The following APLP2 variants were observed in gnomAD, a reference collection of about 807,000 sequenced individuals.
APLP2 encodes the protein CDEI box-binding protein.
In APLP2, 53 loss-of-function variants were observed where a neutral mutation model predicts 89.9. The observed-to-expected ratio is 0.59, with a 90% confidence interval of 0.47 to 0.74. The LOEUF is 0.74. APLP2 is among the 30% of genes least tolerant of loss of function. The probability of loss-of-function intolerance (pLI) is 0.00; values close to 1 mark genes in which losing one functional copy is unlikely to be tolerated. For synonymous variants in APLP2, 372 were observed against 348.6 expected (o/e 1.07, Z -0.75); for missense variants, 973 against 975.9 (o/e 1.00, Z 0.04).
intron 1 of APLP2, among the ~76,000 whole-genome samples, chr11:130,104,257 G>T (rs902550817): frequency 9.2e-6 from 1 of 109,224 alleles, no homozygotes; most frequent in African/African-American, 3.7e-5. Flanking sequence ...TGTCTCTGTT[G>T]CCCAGTCTGG....
intron 1 of APLP2, among the ~76,000 whole-genome samples, chr11:130,087,683 A>C (rs1944334411): frequency 6.6e-6 from 1 of 152,202 alleles, no homozygotes; most frequent in Non-Finnish European, 1.5e-5. Context: ...TTCATAGCAG[A>C]ATGGCCCTGC....
chr11:130,079,747 T>TC, intron 1 of APLP2, among the ~76,000 whole-genome samples: 1 of 152,368 alleles, frequency 6.6e-6, no homozygotes, highest in Non-Finnish European at 1.5e-5. Context: ...TTTCTTGCTT[T>TC]GCTGCCCCAG....
At chr11:130,070,366 G>A (rs1383769448) in intron 1 of APLP2, among the ~76,000 whole-genome samples, 1 of 151,326 alleles carries the variant, frequency 6.6e-6, no homozygotes, top group Non-Finnish European at 1.5e-5. Context: ...CCCGCCCGCG[G>A]CGCCGCCACC....
rs1223276820 is a variant in APLP2, at chr11:130,070,005, G to A, written c.28G>A (p.Ala10Thr). 2.7e-6 allele frequency: 4 copies of A among 1,504,950 alleles called. No homozygotes were observed. In the South Asian group the frequency reaches 4.9e-5, roughly 18 times the overall value. 93.2% of individuals were successfully genotyped at this position (1,504,950 alleles called of 1,614,324 possible). ...GGCGGCCACCGGGACCGCGGCCGCC[G>A]CAGCCACGGGCAGGCTCCTGCTTCT... The part of the protein sequence containing the change: MAATGTAAA[A>T]ATGRLLLLLL... The change falls in exon 1 of 17, where the codon GCA becomes ACA. Residue 10 changes from alanine (A) to threonine (T), a missense_variant. By Grantham distance (58) the Ala-to-Thr change is moderately conservative (BLOSUM62 0). Coordinates refer to ENST00000338167, the MANE Select transcript of APLP2 (RefSeq NM_001142276.2).
chr11:130,102,137 G>A (rs932715458), intron 1 of APLP2: 6 of 303,440 alleles, frequency 2.0e-5, no homozygotes, highest in African/African-American at 1.3e-4. Flanking sequence ...TAAATCTTTG[G>A]TGAAGGTTCA....
intron 5 of APLP2, among the ~76,000 whole-genome samples, 166 bp from the exon 6 acceptor site, chr11:130,122,139 C>G (rs56282419): frequency 0.045 from 6,853 of 152,234 alleles, 510 homozygotes; most frequent in African/African-American, 0.15. Context: ...ACAAATACTT[C>G]CCGTTTGCTG....
At position 130,103,057 on chromosome 11, in the gene APLP2, G is replaced by A. The variant is rs564519700; in HGVS notation, c.106-6372G>A. Among the ~76,000 whole-genome samples the A allele has an allele frequency of 2.0e-5, 3 of 152,292 alleles. No homozygotes were observed. In the South Asian group the frequency reaches 6.2e-4, roughly 32 times the overall value. On this transcript the variant is annotated intron_variant, in intron 1 of 16. Transcript: ENST00000338167. ...ACAGGATATCAGAAGTGCTGACTTG[G>A]CAGCAAAATCCCATTTGTAACATGT...
intron 1 of APLP2, among the ~76,000 whole-genome samples, chr11:130,083,348 T>TTTTTGTGGTGTTC (rs2135436072): frequency 6.6e-6 from 1 of 151,106 alleles, no homozygotes; most frequent in Non-Finnish European, 1.5e-5. Context: ...AAACATTTTT[T>TTTTTGTGGTGTTC]TTTTGTGGTA....
Position 130,143,405 on chromosome 11 carries a change from A to G in APLP2, c.2213A>G (p.Tyr738Cys), listed in dbSNP as rs948881705. ...CTGAACAAGATGCAGAACCATGGCTATGAGAACCCCACCTACAAATACCTG... is the reference window on the plus strand; with the variant it reads ...CTGAACAAGATGCAGAACCATGGCTGTGAGAACCCCACCTACAAATACCTG... ...RHLNKMQNHGYENPTYKYLEQ... is the reference protein window; with the variant it reads ...RHLNKMQNHGCENPTYKYLEQ... Residue 738 changes from tyrosine to cysteine, a missense_variant, in exon 17 of 17, where the codon TAT (tyrosine) becomes TGT (cysteine). Tyr to Cys is a radical substitution (Grantham distance 194, BLOSUM62 -2). Transcript: ENST00000338167. The G allele has an allele frequency of 3.1e-6, 5 of 1,613,732 alleles. No homozygotes were observed. The highest frequency in any genetic ancestry group is 4.5e-5 in the East Asian group (2 of 44,830).
intron 1 of APLP2, among the ~76,000 whole-genome samples, chr11:130,089,824 G>A (rs1018785528): frequency 3.9e-5 from 6 of 152,220 alleles, no homozygotes. Flanking sequence ...CCCTCTGTGT[G>A]CATGCATGTC....
At chr11:130,077,342 G>T (rs1024218838) in intron 1 of APLP2, among the ~76,000 whole-genome samples, 7 of 152,022 alleles carry the variant, frequency 4.6e-5, no homozygotes, top group Admixed American at 2.0e-4. Context: ...GAGATATTTC[G>T]CCTAGATAAG....
chr11:130,139,782 GAGCATCT>G (rs1259838353), intron 13 of APLP2: 1 of 152,350 alleles, frequency 6.6e-6, no homozygotes, highest in Non-Finnish European at 1.5e-5. Context: ...CTTAGGATAT[GAGCATCT>G]AGGATCTCGG....
At chr11:130,070,464 C>A in intron 1 of APLP2, 1 of 973,016 alleles carries the variant, frequency 1.0e-6, no homozygotes, top group Non-Finnish European at 1.3e-6. Flanking sequence ...GAGTCCGCGG[C>A]TGGGCTTTCT....
chr11:130,142,009 A>G lies in APLP2; in HGVS notation c.2089A>G (p.Ile697Val), dbSNP rs1054901672. Residue 697 changes from isoleucine to valine, a missense_variant, in exon 16 of 17, where the codon ATC becomes GTC. Physicochemically the swap from Ile to Val is conservative, Grantham distance 29. Coordinates refer to ENST00000338167, the MANE Select transcript of APLP2 (RefSeq NM_001142276.2). ...LVIAVAIATV[I>V]VISLVMLRKR... Reference sequence around the variant, plus strand: ...CATCGCAGTGGCCATTGCCACGGTCATCGTCATCAGCCTGGTGATGCTGAG... The same window carrying G: ...CATCGCAGTGGCCATTGCCACGGTCGTCGTCATCAGCCTGGTGATGCTGAG... 3.7e-6 allele frequency: 6 copies of G among 1,614,038 alleles called. No homozygotes were observed. The highest frequency in any genetic ancestry group is 1.7e-4 in the Middle Eastern group (1 of 6,036).
intron 3 of APLP2, among the ~76,000 whole-genome samples, chr11:130,111,417 G>T (rs778496804): frequency 3.9e-5 from 6 of 152,092 alleles, no homozygotes; most frequent in Non-Finnish European, 7.3e-5. Context: ...AGCCCTGATG[G>T]GATTAAAGTA....
At chr11:130,070,827 C>A (rs1198215066) in intron 1 of APLP2, 4 of 1,210,214 alleles carry the variant, frequency 3.3e-6, no homozygotes, top group Middle Eastern at 2.1e-4. Context: ...GAAAAATCGT[C>A]CTCTTCGGGT....
intron 3 of APLP2, among the ~76,000 whole-genome samples, chr11:130,115,514 A>G (rs1949063394): frequency 6.6e-6 from 1 of 152,240 alleles, no homozygotes; most frequent in Non-Finnish European, 1.5e-5. Context: ...AATTGGCGAT[A>G]AATCCTAACT....
At chr11:130,092,129 C>T (rs371857727) in intron 1 of APLP2, among the ~76,000 whole-genome samples, 2 of 125,896 alleles carry the variant, frequency 1.6e-5, no homozygotes, top group Non-Finnish European at 3.2e-5. Context: ...CGATGGGCGG[C>T]GGGGCAGAGA....
At chr11:130,125,416 C>G (rs1950262754) in intron 7 of APLP2, among the ~76,000 whole-genome samples, 1 of 152,216 alleles carries the variant, frequency 6.6e-6, no homozygotes, top group African/African-American at 2.4e-5. Flanking sequence ...TTCTCCTCCA[C>G]TGAACTTGCG....
Sources: allele counts gnomAD v4.1 joint callset (sites outside exome capture counted in the v4.1 genomes callset), GRCh38; gene constraint gnomAD v4.1.1; transcripts MANE v1.5; gene names NCBI Gene and HGNC (gene_info 2026-07-23, HGNC 2026-07-21).